Variants in STEAP4 observed in about 807,000 individuals in gnomAD.
STEAP4 encodes the protein STEAP4 metalloreductase.
A neutral mutation model predicts 43.6 loss-of-function variants in STEAP4; 36 were observed. The ratio of observed to expected loss-of-function variants is 0.83; its 90% CI spans 0.63 to 1.09. The LOEUF (loss-of-function observed/expected upper bound fraction) is 1.09, where lower values mean the gene tolerates loss of function less well. Ranked by LOEUF, STEAP4 falls within the 50% of genes least tolerant of loss-of-function variation. The pLI is 0.00. For missense variants in STEAP4, 495 were observed against 546.5 expected (o/e 0.91, Z 0.94); for synonymous variants, 191 against 196.7 (o/e 0.97, Z 0.24).
rs938415644 is a variant in STEAP4 at position 88,284,330 on chromosome 7, A to T, written c.-2-59T>A. 3 of 1,188,710 alleles carry T rather than the reference A, an allele frequency of 2.5e-6. No individual in the cohort carries two copies. The African/African-American group carries it at 4.6e-5, about 18-fold the overall frequency. The allele number at this position is 1,188,710 out of a possible 1,614,324, so 73.6% of individuals were successfully genotyped here. On this transcript the variant is annotated intron_variant, in intron 1 of 4. Coordinates refer to ENST00000380079, the MANE Select transcript of STEAP4 (RefSeq NM_024636.4). ...ATAAATGCTCTGTGCCTGGAAAATT[A>T]AAGAGAGCTATATTCAAGAAGTAAT...
chr7:88,282,889 T>TA lies in STEAP4; in HGVS notation c.735dup (p.Ile246TyrfsTer39). 6.2e-7 allele frequency: 1 copy of TA among 1,614,174 alleles called. No individual in the cohort carries two copies. Among genetic ancestry groups the TA allele is most frequent in the South Asian group, 1.1e-5 (1 of 91,078 alleles). ...AGTGTAAGTGCTGTTATTGGAAAGA[T>TA]ACGATTTGGAATGGAAATAGCCATA... On this transcript the variant is annotated frameshift_variant, in exon 3 of 5. Transcript: ENST00000380079. LOFTEE classifies it high-confidence loss of function.
intron 1 of STEAP4, among the ~76,000 whole-genome samples, chr7:88,293,814 A>G (rs1176031333): frequency 2.6e-5 from 4 of 152,076 alleles, no homozygotes; most frequent in African/African-American, 9.7e-5. Context: ...CCCTCTGCCA[A>G]TACCAACAAT....
chr7:88,282,891 C>A lies in STEAP4; in HGVS notation c.734G>T (p.Arg245Leu). The A allele has an allele frequency of 6.2e-7, 1 of 1,614,090 alleles. No individual in the cohort carries two copies. The highest frequency in any genetic ancestry group is 8.5e-7 in the Non-Finnish European group (1 of 1,180,014). Residue 245 changes from arginine (R) to leucine (L), a missense_variant, in exon 3 of 5, where the codon CGT becomes CTT. By Grantham distance (102) the Arg-to-Leu change is moderately radical. Transcript: ENST00000380079. Reference protein sequence around the residue: ...TFRMAISIPNRIFPITALTLL... With the variant: ...TFRMAISIPNLIFPITALTLL... ...TGTAAGTGCTGTTATTGGAAAGATACGATTTGGAATGGAAATAGCCATACG... is the reference window on the plus strand; with the variant it reads ...TGTAAGTGCTGTTATTGGAAAGATAAGATTTGGAATGGAAATAGCCATACG...
chr7:88,288,356 G>T (rs948874310), intron 1 of STEAP4, among the ~76,000 whole-genome samples: 1 of 152,132 alleles, frequency 6.6e-6, no homozygotes, highest in African/African-American at 2.4e-5. Context: ...TTTTAGTAGA[G>T]ACAGGGTTTC....
chr7:88,272,688 T>C lies in STEAP4; in HGVS notation c.*6710A>G, dbSNP rs1852454340. ...GTGTTTTACAGACATATGCATTGAT[T>C]TGTAATGAACTGGAAAAAAATGAAA... On this transcript the variant is annotated 3_prime_UTR_variant, in exon 5 of 5. Coordinates refer to ENST00000380079, the MANE Select transcript of STEAP4 (RefSeq NM_024636.4). 1 of 152,214 alleles carries C rather than the reference T, an allele frequency of 6.6e-6. No homozygotes were observed. Among genetic ancestry groups the C allele is most frequent in the Non-Finnish European group, 1.5e-5 (1 of 68,040 alleles). The allele number at this position is 152,214 out of a possible 1,614,324, so 9.4% of individuals were successfully genotyped here.
In STEAP4 at chr7:88,281,043, A is replaced by T; in HGVS notation, c.1021T>A (p.Ser341Thr). 1 of 1,610,788 alleles carries T rather than the reference A, an allele frequency of 6.2e-7. No individual in the cohort carries two copies. Among genetic ancestry groups the T allele is most frequent in the South Asian group, 1.1e-5 (1 of 90,394 alleles). ...ACATATGAATCACTGAGCCAGGCTGAGGAGGTGCTAAATGGATTCTCCTTC... is the reference window on the plus strand; with the variant it reads ...ACATATGAATCACTGAGCCAGGCTGTGGAGGTGCTAAATGGATTCTCCTTC... ...LKKENPFSTS[S>T]AWLSDSYVAL... The change falls in exon 4 of 5, where the codon TCA (serine) becomes ACA (threonine). Residue 341 changes from serine (S) to threonine (T), a missense_variant. Physicochemically the swap from Ser to Thr is moderately conservative, Grantham distance 58. Coordinates refer to ENST00000380079, the MANE Select transcript of STEAP4 (RefSeq NM_024636.4).
rs1308436567 is a variant in STEAP4 at position 88,275,111 on chromosome 7, G to A, written c.*4287C>T. On this transcript the variant is annotated 3_prime_UTR_variant, in exon 5 of 5. Coordinates refer to ENST00000380079, the MANE Select transcript of STEAP4 (RefSeq NM_024636.4). ...TTATTTATTTATTTATTTATTTTGA[G>A]ACGGAGTTTCACTCTTGTCACCCAG... 1 of 152,248 alleles carries A rather than the reference G, an allele frequency of 6.6e-6. No individual in the cohort carries two copies. The highest frequency in any genetic ancestry group is 2.4e-5 in the African/African-American group (1 of 41,306). 9.4% of individuals were successfully genotyped at this position (152,248 alleles called of 1,614,324 possible). A position where few individuals can be genotyped will look rare whatever the true frequency, so the allele number is the denominator to read the frequency against.
At chr7:88,301,475 T>C (rs1287600718) in intron 1 of STEAP4, among the ~76,000 whole-genome samples, 1 of 152,144 alleles carries the variant, frequency 6.6e-6, no homozygotes. Context: ...GATGGGGTCT[T>C]ACCATCGCCC....
At chr7:88,302,479 A>T (rs1191573517) in intron 1 of STEAP4, among the ~76,000 whole-genome samples, 3 of 152,240 alleles carry the variant, frequency 2.0e-5, no homozygotes, top group African/African-American at 7.2e-5. Context: ...AAAGTTTTGC[A>T]GCCACAATTT....
chr7:88,301,057 T>A (rs1853025412), intron 1 of STEAP4, among the ~76,000 whole-genome samples: 1 of 152,164 alleles, frequency 6.6e-6, no homozygotes, highest in African/African-American at 2.4e-5. Flanking sequence ...CAGCACGTAT[T>A]TTAAAGTTAT....
In STEAP4 at chr7:88,275,039, C is replaced by G. The variant is rs1319894426; in HGVS notation, c.*4359G>C. 6.6e-6 allele frequency: 1 copy of G among 152,182 alleles called. No homozygotes were observed. The highest frequency in any genetic ancestry group is 2.4e-5 in the African/African-American group (1 of 41,434). 9.4% of individuals were successfully genotyped at this position (152,182 alleles called of 1,614,324 possible). A position where few individuals can be genotyped will look rare whatever the true frequency, so the allele number is the denominator to read the frequency against. ...TGCTTACTCCTATCTCATCCTGTGA[C>G]TAAGAACACCTGCTGTCCTGGGAAT... On this transcript the variant is annotated 3_prime_UTR_variant, in exon 5 of 5. Transcript: ENST00000380079.
Position 88,282,751 on chromosome 7 carries a change from G to C in STEAP4, c.874C>G (p.Gln292Glu). Residue 292 changes from glutamine (Q) to glutamate (E), a missense_variant, in exon 3 of 5, where the codon CAG (glutamine) becomes GAG (glutamate). Transcript: ENST00000380079. ...WLDHWMLCRK[Q>E]LGLVALGFAF... Reference sequence around the variant, plus strand: ...AATCCCAGAGCTACCAAGCCAAGCTGCTTTCGGCAAAGCATCCAGTGGTCA... The same window carrying C: ...AATCCCAGAGCTACCAAGCCAAGCTCCTTTCGGCAAAGCATCCAGTGGTCA... 6.2e-7 allele frequency: 1 copy of C among 1,614,138 alleles called. No individual in the cohort carries two copies. Among genetic ancestry groups the C allele is most frequent in the East Asian group, 2.2e-5 (1 of 44,868 alleles).
At chr7:88,290,259 C>T (rs1390681560) in intron 1 of STEAP4, 1 of 152,196 alleles carries the variant, frequency 6.6e-6, no homozygotes, top group Admixed American at 6.5e-5. Flanking sequence ...ATATTGACTT[C>T]ATGGTCCTAT....
chr7:88,292,016 C>T (rs1043067835), intron 1 of STEAP4, among the ~76,000 whole-genome samples: 2 of 152,070 alleles, frequency 1.3e-5, no homozygotes, highest in Non-Finnish European at 2.9e-5. Flanking sequence ...CAATCAGTGA[C>T]GCAGATACAA....
At chr7:88,282,251 C>T (rs560108812) in intron 3 of STEAP4, 7 of 170,426 alleles carry the variant, frequency 4.1e-5, no homozygotes, top group East Asian at 1.6e-4. Flanking sequence ...TGGGTTCAAG[C>T]GATTCTCCTG....
At chr7:88,294,620 T>A (rs948943474) in intron 1 of STEAP4, among the ~76,000 whole-genome samples, 8 of 152,096 alleles carry the variant, frequency 5.3e-5, no homozygotes, top group African/African-American at 1.9e-4. Flanking sequence ...CTGGAATAGA[T>A]CCTGTTTCTC....
Position 88,284,207 on chromosome 7 carries a change from A to G in STEAP4, c.63T>C (p.Thr21=). 1.2e-6 allele frequency: 2 copies of G among 1,613,278 alleles called. No homozygotes were observed. Among genetic ancestry groups the G allele is most frequent in the Admixed American group, 1.7e-5 (1 of 59,952 alleles). Residue 21 remains threonine, a synonymous_variant, in exon 2 of 5, where the codon ACT becomes ACC. Transcript: ENST00000380079. ...AATCACCAGTTCCAAAAATACATAC[A>G]GTCTCTTGCTTTTCTGAAGAATTCA... is the stretch of plus-strand genomic sequence containing the variant. The part of the protein sequence containing the change: ...LTMNSSEKQE[T]VCIFGTGDFG...
At position 88,281,060 on chromosome 7, in the gene STEAP4, T is replaced by C. The variant is rs1480596752; in HGVS notation, c.1004A>G (p.Asn335Ser). 2 of 1,598,082 alleles carry C rather than the reference T, an allele frequency of 1.3e-6. No homozygotes were observed. The highest frequency in any genetic ancestry group is 1.7e-6 in the Non-Finnish European group (2 of 1,174,948). The change falls in exon 4 of 5, where the codon AAT becomes AGT. Residue 335 changes from asparagine (N) to serine (S), a missense_variant. Coordinates refer to ENST00000380079, the MANE Select transcript of STEAP4 (RefSeq NM_024636.4). ...TVTQAILKKENPFSTSSAWLS... is the reference protein window; with the variant it reads ...TVTQAILKKESPFSTSSAWLS... ...CCAGGCTGAGGAGGTGCTAAATGGATTCTCCTTCTTGAGTATTGCCTAAGA... is the reference window on the plus strand; with the variant it reads ...CCAGGCTGAGGAGGTGCTAAATGGACTCTCCTTCTTGAGTATTGCCTAAGA...
intron 1 of STEAP4, among the ~76,000 whole-genome samples, chr7:88,285,125 G>A (rs945829708): frequency 6.6e-6 from 1 of 151,906 alleles, no homozygotes; most frequent in Non-Finnish European, 1.5e-5. Context: ...AACCAAAAAA[G>A]TATCATACAT....
Sources: gnomAD v4.1 joint callset for allele counts (sites outside exome capture counted in the v4.1 genomes callset) on GRCh38, gnomAD v4.1.1 for gene constraint, MANE v1.5 for transcripts, NCBI Gene and HGNC (gene_info 2026-07-23, HGNC 2026-07-21) for gene names.